The following IDO2 variants were observed in gnomAD, a reference collection of about 807,000 sequenced individuals.
The protein encoded by IDO2 is indoleamine 2,3-dioxygenase-like 1 protein.
A neutral mutation model predicts 45.1 loss-of-function variants in IDO2; 46 were observed. The observed-to-expected ratio is 1.02, with a 90% CI of 0.80 to 1.30. The LOEUF is 1.30. Among genes scored for constraint, IDO2 ranks in the 50% most tolerant of loss-of-function variants. The pLI is 0.00. For synonymous variants in IDO2, 218 were observed against 184.9 expected (o/e 1.18, Z -1.45); for missense variants, 544 against 491.8 (o/e 1.11, Z -1.00).
intron 6 of IDO2, chr8:39,985,727 G>A (rs776537323): frequency 9.4e-5 from 50 of 533,972 alleles, no homozygotes; most frequent in South Asian, 3.2e-5. Flanking sequence ...GTATAGATAA[G>A]GGATTTTTTT....
intron 3 of IDO2, among the ~76,000 whole-genome samples, 177 bp downstream of exon 3, chr8:39,963,880 A>G (rs1481776012): frequency 6.6e-6 from 1 of 152,196 alleles, no homozygotes; most frequent in Non-Finnish European, 1.5e-5. Flanking sequence ...AATCTGATAC[A>G]TGTGTTTTCC....
chr8:39,977,493 A>G (rs1808277058), intron 3 of IDO2, among the ~76,000 whole-genome samples: 1 of 152,218 alleles, frequency 6.6e-6, no homozygotes, highest in African/African-American at 2.4e-5. Context: ...TAACCTGGGC[A>G]ACATAGTGAG....
chr8:39,995,909 T>C (rs1802037520), intron 8 of IDO2, among the ~76,000 whole-genome samples: 1 of 152,164 alleles, frequency 6.6e-6, no homozygotes, highest in South Asian at 2.1e-4. Context: ...GCCTGTCACC[T>C]AACGGACCGT....
chr8:39,935,192 C>A (rs1807526926), exon 1 of IDO2: 9 of 1,613,494 alleles, frequency 5.6e-6, no homozygotes, highest in Non-Finnish European at 5.1e-6. Context: ...CAGGCCACCA[C>A]AAGAATGTTG....
At chr8:39,991,777 G>T (rs1444919771) in intron 8 of IDO2, among the ~76,000 whole-genome samples, 1 of 152,058 alleles carries the variant, frequency 6.6e-6, no homozygotes, top group Non-Finnish European at 1.5e-5. Flanking sequence ...CGCCATGTTG[G>T]CCAGGCTGGT....
intron 3 of IDO2, among the ~76,000 whole-genome samples, chr8:39,964,481 A>C (rs1470875378): frequency 6.6e-6 from 1 of 152,188 alleles, no homozygotes; most frequent in Non-Finnish European, 1.5e-5. Flanking sequence ...CATCTGTCCT[A>C]ATCTATCAGT....
chr8:40,007,587 T>C (rs1260769664), intron 9 of IDO2, among the ~76,000 whole-genome samples: 1 of 152,214 alleles, frequency 6.6e-6, no homozygotes, highest in Non-Finnish European at 1.5e-5. Context: ...AATTTCATGC[T>C]ACCACATAGC....
At chr8:39,983,898 G>A (rs965195379) in intron 5 of IDO2, among the ~76,000 whole-genome samples, 2 of 151,868 alleles carry the variant, frequency 1.3e-5, no homozygotes, top group Non-Finnish European at 2.9e-5. Flanking sequence ...GAAGAAGTGA[G>A]ATTCGGCCAT....
chr8:39,973,589 T>TTATAATG (rs1461926372), intron 3 of IDO2, among the ~76,000 whole-genome samples: 1 of 152,124 alleles, frequency 6.6e-6, no homozygotes, highest in African/African-American at 2.4e-5. Context: ...ATAATAGCAT[T>TTATAATG]CTAATTGTGC....
exon 11 of IDO2, chr8:40,015,328 T>A: frequency 1.2e-6 from 2 of 1,613,880 alleles, no homozygotes; most frequent in Non-Finnish European, 1.7e-6. Context: ...GCACCTTCCC[T>A]GAGGGACTAC....
intron 1 of IDO2, among the ~76,000 whole-genome samples, chr8:39,943,371 A>C (rs1807676990): frequency 6.6e-6 from 1 of 152,098 alleles, no homozygotes; most frequent in Non-Finnish European, 1.5e-5. Context: ...ACTATCTCAA[A>C]AAACAAACAA....
chr8:39,979,217 C>T, intron 4 of IDO2, 31 bp downstream of exon 4: 1 of 1,557,340 alleles, frequency 6.4e-7, no homozygotes, highest in South Asian at 1.2e-5. Context: ...TCTCCTGTTA[C>T]CCGGCAGGTT....
At chr8:39,948,942 T>A (rs1022381577) in intron 1 of IDO2, among the ~76,000 whole-genome samples, 1 of 152,192 alleles carries the variant, frequency 6.6e-6, no homozygotes, top group Non-Finnish European at 1.5e-5. Flanking sequence ...TGAGTTTGTT[T>A]GGTTTGTCTG....
chr8:39,937,854 C>A (rs10958572), intron 1 of IDO2, among the ~76,000 whole-genome samples: 27,920 of 151,932 alleles, frequency 0.18, 2,967 homozygotes, highest in South Asian at 0.32. Context: ...CAACAAAGAT[C>A]AAGGGAACTT....
At chr8:39,996,073 T>A (rs1156970849) in intron 8 of IDO2, among the ~76,000 whole-genome samples, 4 of 141,644 alleles carry the variant, frequency 2.8e-5, no homozygotes, top group East Asian at 2.0e-4. Context: ...TACCTAAGAG[T>A]AAAAAAAAAA....
At chr8:39,999,177 G>A (rs1340864051) in intron 8 of IDO2, among the ~76,000 whole-genome samples, 2 of 151,798 alleles carry the variant, frequency 1.3e-5, no homozygotes, top group African/African-American at 4.8e-5. Flanking sequence ...GTTAGCTGTC[G>A]GTTTATCTTT....
chr8:39,999,784 T>A (rs1477005347), intron 8 of IDO2, among the ~76,000 whole-genome samples: 1 of 152,182 alleles, frequency 6.6e-6, no homozygotes, highest in Non-Finnish European at 1.5e-5. Flanking sequence ...ACTTTTTATT[T>A]TCTTCCTCAA....
chr8:40,001,113 G>A (rs368904460), intron 8 of IDO2, among the ~76,000 whole-genome samples: 2 of 152,124 alleles, frequency 1.3e-5, no homozygotes, highest in South Asian at 2.1e-4. Flanking sequence ...GATTATAGGC[G>A]TGTGCCACTG....
At chr8:40,010,604 T>C (rs1052618852) in intron 9 of IDO2, among the ~76,000 whole-genome samples, 2 of 152,164 alleles carry the variant, frequency 1.3e-5, no homozygotes, top group Non-Finnish European at 2.9e-5. Flanking sequence ...GTACAAGGGC[T>C]AAAGGTGTTG....
Sources: allele counts gnomAD v4.1 joint callset (sites outside exome capture counted in the v4.1 genomes callset), GRCh38; gene constraint gnomAD v4.1.1; transcripts MANE v1.5; gene names NCBI Gene and HGNC (gene_info 2026-07-23, HGNC 2026-07-21).